FUT8: variants seen among roughly 807,000 people sequenced by gnomAD.
FUT8 encodes the protein alpha-(1,6)-fucosyltransferase.
Under a neutral mutation model 71.3 loss-of-function variants are expected in FUT8, and 29 were observed. The observed-to-expected ratio is 0.41, with a 90% CI of 0.30 to 0.55. The LOEUF (loss-of-function observed/expected upper bound fraction) is 0.55, where lower values mean the gene tolerates loss of function less well. FUT8 is among the 20% of genes least tolerant of loss of function. The probability of loss-of-function intolerance (pLI) is 0.34; values close to 1 mark genes in which losing one functional copy is unlikely to be tolerated. For missense variants in FUT8, 544 were observed against 702.1 expected, an observed-to-expected ratio of 0.77 and a Z score of 2.55; for synonymous variants, 254 against 239.3, an observed-to-expected ratio of 1.06 and a Z score of -0.57.
intron 3 of FUT8, among the ~76,000 whole-genome samples, chr14:65,593,463 C>T (rs1887797010): frequency 6.6e-6 from 1 of 152,054 alleles, no homozygotes; most frequent in Admixed American, 6.5e-5. Context: ...TGTATAGATA[C>T]AGATTAATAT....
intron 2 of FUT8, among the ~76,000 whole-genome samples, chr14:65,526,978 C>G (rs1194701510): frequency 2.0e-5 from 3 of 152,360 alleles, no homozygotes; most frequent in Admixed American, 6.5e-5. Flanking sequence ...CGACCTTTCT[C>G]TCTGGCTGCC....
Position 65,482,965 on chromosome 14 carries a change from T to G in FUT8, c.-228+27247T>G, listed in dbSNP as rs1318716959. ...TACAGTTTCTGTAGGATGCATGTTT[T>G]CACCATTATCAGGCTTCTGCAGTGC... On this transcript the variant is annotated intron_variant, in intron 2 of 10. Transcript: ENST00000673929. Among the ~76,000 whole-genome samples, 5 of 152,278 alleles carry G rather than the reference T, an allele frequency of 3.3e-5. No individual in the cohort carries two copies. The East Asian group carries it at 9.7e-4, about 29-fold the overall frequency.
intron 6 of FUT8, among the ~76,000 whole-genome samples, chr14:65,640,624 T>C (rs1890780169): frequency 6.6e-6 from 1 of 152,126 alleles, no homozygotes; most frequent in Non-Finnish European, 1.5e-5. Context: ...TCTAACATAA[T>C]ACTTCATTTA....
the FUT8 span, among the ~76,000 whole-genome samples, chr14:65,389,013 T>C: frequency 6.6e-6 from 1 of 150,900 alleles, no homozygotes; most frequent in South Asian, 2.1e-4. Flanking sequence ...TACATATTTA[T>C]ATATTTGAGA....
intron 2 of FUT8, among the ~76,000 whole-genome samples, chr14:65,521,873 T>C (rs1017561052): frequency 1.3e-5 from 2 of 151,952 alleles, no homozygotes; most frequent in African/African-American, 2.4e-5. Context: ...TTCTTCTTTT[T>C]TTTTTTTTTT....
At position 65,439,954 on chromosome 14, in the gene FUT8, G is replaced by GTGTGTGTATA; in HGVS notation, c.-325-15666_-325-15665insGTGTGTATAT. 2.6e-3 allele frequency among the ~76,000 whole-genome samples: 194 copies of GTGTGTGTATA among 74,960 alleles called. 4 individuals carry two copies. The highest frequency in any genetic ancestry group is 7.1e-3 in the South Asian group (12 of 1,688). The allele number at this position is 74,960 out of a possible 152,430, so 49.2% of individuals were successfully genotyped here. On this transcript the variant is annotated intron_variant, in intron 1 of 10. Coordinates refer to ENST00000673929, the MANE Select transcript of FUT8 (RefSeq NM_001371533.1). ...ATAAAGAAAATGTGTGTGTGTGTGT[G>GTGTGTGTATA]TATATATATATATATATATATATAT...
intron 3 of FUT8, among the ~76,000 whole-genome samples, chr14:65,610,205 C>T (rs924152636): frequency 1.3e-5 from 2 of 151,836 alleles, no homozygotes; most frequent in African/African-American, 4.8e-5. Context: ...TTGCCTTGGT[C>T]TACTGGCTAG....
chr14:65,579,524 G>A (rs7155541), intron 3 of FUT8, among the ~76,000 whole-genome samples: 1 of 151,846 alleles, frequency 6.6e-6, no homozygotes, highest in Admixed American at 6.6e-5. Flanking sequence ...AGTAGAAATG[G>A]CACATTAAAC....
the FUT8 span, among the ~76,000 whole-genome samples, chr14:65,382,004 A>G: frequency 6.6e-6 from 1 of 152,220 alleles, no homozygotes. Context: ...TGCAAGTACT[A>G]AAACTGTGTT....
intron 7 of FUT8, among the ~76,000 whole-genome samples, chr14:65,710,578 G>C (rs1018164658): frequency 1.3e-5 from 2 of 151,976 alleles, no homozygotes; most frequent in Non-Finnish European, 2.9e-5. Context: ...TAGCATATTT[G>C]TTGGTGATGA....
the FUT8 span, among the ~76,000 whole-genome samples, chr14:65,368,062 T>C: frequency 1.8e-4 from 26 of 147,148 alleles, no homozygotes; most frequent in African/African-American, 6.3e-4. Context: ...TTTTTTTTTT[T>C]TTTTTTTTTG....
chr14:65,628,944 T>A (rs1382390821), intron 5 of FUT8, among the ~76,000 whole-genome samples: 5 of 152,240 alleles, frequency 3.3e-5, no homozygotes, highest in Non-Finnish European at 7.3e-5. Context: ...GCAAAGGATC[T>A]TAGAGATCTG....
chr14:65,361,237 T>C, the FUT8 span, among the ~76,000 whole-genome samples: 1 of 150,988 alleles, frequency 6.6e-6, no homozygotes, highest in African/African-American at 2.4e-5. Context: ...GCACCTGTAA[T>C]CCCAGCTACT....
intron 6 of FUT8, among the ~76,000 whole-genome samples, chr14:65,634,730 A>G (rs964983876): frequency 2.0e-5 from 3 of 152,074 alleles, no homozygotes; most frequent in African/African-American, 7.2e-5. Flanking sequence ...TTTGGTGACT[A>G]TGGCTTTATA....
rs562115340 is a variant in FUT8, at chr14:65,499,815, C to G, written c.-228+44097C>G. ...CCTGAGCAACACAGCAAGACCCTGT[C>G]TCAAAAAAAAAAAAAAAATGCCAGC... On this transcript the variant is annotated intron_variant, in intron 2 of 10. Coordinates refer to ENST00000673929, the MANE Select transcript of FUT8 (RefSeq NM_001371533.1). Among the ~76,000 whole-genome samples the G allele has an allele frequency of 2.4e-5, 3 of 127,628 alleles. No homozygotes were observed. In the South Asian group the frequency reaches 7.2e-4, roughly 31 times the overall value. The allele number at this position is 127,628 out of a possible 152,430, so 83.7% of individuals were successfully genotyped here. A position where few individuals can be genotyped will look rare whatever the true frequency, so the allele number is the denominator to read the frequency against.
intron 7 of FUT8, among the ~76,000 whole-genome samples, chr14:65,678,487 C>G (rs1253082850): frequency 2.0e-5 from 3 of 152,178 alleles, no homozygotes; most frequent in African/African-American, 7.2e-5. Flanking sequence ...ATCGCTGACC[C>G]CAGTCAGAGA....
At chr14:65,620,620 T>C (rs1488433950) in intron 5 of FUT8, among the ~76,000 whole-genome samples, 1 of 152,144 alleles carries the variant, frequency 6.6e-6, no homozygotes, top group African/African-American at 2.4e-5. Context: ...AAAAGTTAAG[T>C]TTGGTGAACC....
At chr14:65,618,010 C>CATATATATATAT (rs149450437) in intron 5 of FUT8, among the ~76,000 whole-genome samples, 8 of 86,996 alleles carry the variant, frequency 9.2e-5, no homozygotes, top group South Asian at 3.8e-4. Context: ...AAAATTAATT[C>CATATATATATAT]ATATATATAT....
intron 2 of FUT8, among the ~76,000 whole-genome samples, chr14:65,486,227 A>G (rs547831706): frequency 5.3e-5 from 8 of 152,226 alleles, no homozygotes; most frequent in Non-Finnish European, 1.0e-4. Context: ...TTCTGCATAT[A>G]TAATAATACC....
Sources: gnomAD v4.1 joint callset for allele counts (sites outside exome capture counted in the v4.1 genomes callset) on GRCh38, gnomAD v4.1.1 for gene constraint, MANE v1.5 for transcripts, NCBI Gene and HGNC (gene_info 2026-07-23, HGNC 2026-07-21) for gene names.